The following ZC2HC1A variants were observed in gnomAD, a reference collection of about 807,000 sequenced individuals.
ZC2HC1A encodes the protein zinc finger C2HC domain-containing protein 1A.
In ZC2HC1A, 28 loss-of-function variants were observed where a neutral mutation model predicts 40.7. The observed-to-expected ratio is 0.69, with a 90% CI of 0.51 to 0.94. The LOEUF is 0.94. ZC2HC1A is among the 40% of genes least tolerant of loss of function. The pLI is 0.00. For synonymous variants in ZC2HC1A, 129 were observed against 129.2 expected (o/e 1.00, Z 0.01); for missense variants, 389 against 386.3 (o/e 1.01, Z -0.06).
intron 1 of ZC2HC1A, 38 bp downstream of exon 1, chr8:78,666,202 C>T (rs781544759): frequency 2.6e-6 from 4 of 1,566,196 alleles, no homozygotes; most frequent in African/African-American, 1.3e-5. Flanking sequence ...ACGGCTAGAG[C>T]GGGCCCGAAA....
rs551532602 is a variant in ZC2HC1A at position 78,704,152 on chromosome 8, C to A, written c.704+5639C>A. ...ATCCCAGCACTTTGGGAGACCGAGG[C>A]GAGCGGATCACCTGAGGTCAGGAGT... On this transcript the variant is annotated intron_variant, in intron 7 of 8. Transcript: ENST00000263849. 9.1e-4 allele frequency among the ~76,000 whole-genome samples: 138 copies of A among 152,014 alleles called. 4 individuals carry two copies. In the South Asian group the frequency reaches 0.011, roughly 12 times the overall value.
At chr8:78,675,627 A>T (rs1308172169) in intron 1 of ZC2HC1A, 160 bp from the exon 2 acceptor site, 4 of 614,568 alleles carry the variant, frequency 6.5e-6, no homozygotes, top group Admixed American at 6.2e-5. Context: ...ACTAAGTATT[A>T]TGCTCCTTTT....
At chr8:78,666,238 G>A in intron 1 of ZC2HC1A, 74 bp downstream of exon 1, 1 of 1,548,704 alleles carries the variant, frequency 6.5e-7, no homozygotes, top group Admixed American at 2.0e-5. Flanking sequence ...GACACCAGTA[G>A]CAGGAAGGCG....
rs1294797165 is a variant in ZC2HC1A, at chr8:78,687,748, TTATA to T, written c.352+1146_352+1149del. On this transcript the variant is annotated intron_variant, in intron 4 of 8. Coordinates refer to ENST00000263849, the MANE Select transcript of ZC2HC1A (RefSeq NM_016010.3). The stretch of plus-strand genomic sequence containing the variant: ...ACATTATATATATTTATGTAATACA[TTATA>T]TATATTTACGTAAGACATTATATAT... 2.8e-4 allele frequency among the ~76,000 whole-genome samples: 17 copies of T among 59,712 alleles called. 1 individual carries two copies. The highest frequency in any genetic ancestry group is 8.8e-4 in the African/African-American group (15 of 17,074). 39.2% of individuals were successfully genotyped at this position (59,712 alleles called of 152,430 possible).
At chr8:78,695,751 C>G (rs1401648569) in intron 5 of ZC2HC1A, among the ~76,000 whole-genome samples, 1 of 152,122 alleles carries the variant, frequency 6.6e-6, no homozygotes, top group Non-Finnish European at 1.5e-5. Context: ...CTCCCAAAGT[C>G]TCATAGACAT....
chr8:78,694,747 A>G (rs1172710874), intron 5 of ZC2HC1A, among the ~76,000 whole-genome samples: 2 of 152,180 alleles, frequency 1.3e-5, no homozygotes, highest in Non-Finnish European at 2.9e-5. Flanking sequence ...TTCATTAGTC[A>G]TTAGTCTTTG....
At chr8:78,716,921 G>A (rs1811125114) in intron 8 of ZC2HC1A, among the ~76,000 whole-genome samples, 1 of 152,084 alleles carries the variant, frequency 6.6e-6, no homozygotes, top group Non-Finnish European at 1.5e-5. Context: ...CACCATGTAA[G>A]ACATGCTTGC....
intron 2 of ZC2HC1A, among the ~76,000 whole-genome samples, chr8:78,677,708 A>G (rs921930559): frequency 2.0e-5 from 3 of 152,032 alleles, no homozygotes; most frequent in African/African-American, 7.2e-5. Flanking sequence ...TTAGTGTTAC[A>G]GGGCAGATAA....
At chr8:78,672,496 A>G (rs1286688384) in intron 1 of ZC2HC1A, among the ~76,000 whole-genome samples, 2 of 152,166 alleles carry the variant, frequency 1.3e-5, no homozygotes, top group East Asian at 1.9e-4. Context: ...TTTTTACCCT[A>G]CACTCTGCAG....
chr8:78,705,030 A>G (rs1472482781), intron 7 of ZC2HC1A, among the ~76,000 whole-genome samples: 1 of 151,950 alleles, frequency 6.6e-6, no homozygotes, highest in Admixed American at 6.6e-5. Flanking sequence ...GCTTCCTTTC[A>G]TTGGATTACA....
In ZC2HC1A at chr8:78,706,717, C is replaced by A. The variant is rs374076136; in HGVS notation, c.704+8204C>A. ...TACTCACCCCTTTTCCTGTTATTTT[C>A]AAGTGTAAGTTATATGTGGCTCACA... On this transcript the variant is annotated intron_variant, in intron 7 of 8. Coordinates refer to ENST00000263849, the MANE Select transcript of ZC2HC1A (RefSeq NM_016010.3). Among the ~76,000 whole-genome samples the A allele has an allele frequency of 4.6e-5, 7 of 152,228 alleles. No individual in the cohort carries two copies. In the East Asian group the frequency reaches 7.7e-4, roughly 17 times the overall value.
rs551672206 is a variant in ZC2HC1A at position 78,689,999 on chromosome 8, T to C, written c.504+626T>C. ...GTATAGTGTGAAGTAAGGGGCAGTTTTTCCTTTTGTTTTCTATGTGGATAT... is the reference window on the plus strand; with the variant it reads ...GTATAGTGTGAAGTAAGGGGCAGTTCTTCCTTTTGTTTTCTATGTGGATAT... On this transcript the variant is annotated intron_variant, in intron 5 of 8. Transcript: ENST00000263849. Among the ~76,000 whole-genome samples, 9 of 152,308 alleles carry C rather than the reference T, an allele frequency of 5.9e-5. No individual in the cohort carries two copies. The East Asian group carries it at 1.5e-3, about 26-fold the overall frequency.
intron 7 of ZC2HC1A, among the ~76,000 whole-genome samples, chr8:78,703,295 A>T (rs879607849): frequency 4.3e-4 from 66 of 152,080 alleles, no homozygotes; most frequent in African/African-American, 1.4e-3. Context: ...GGTCCATTTG[A>T]TCCAGTGCTG....
At chr8:78,670,443 T>C (rs1809412100) in intron 1 of ZC2HC1A, among the ~76,000 whole-genome samples, 1 of 152,198 alleles carries the variant, frequency 6.6e-6, no homozygotes, top group Non-Finnish European at 1.5e-5. Context: ...GGATTTCTGA[T>C]AAAATAAATT....
intron 7 of ZC2HC1A, among the ~76,000 whole-genome samples, chr8:78,708,332 T>C (rs766842872): frequency 6.6e-6 from 1 of 152,166 alleles, no homozygotes; most frequent in Non-Finnish European, 1.5e-5. Context: ...CAAAGAGATT[T>C]ATTTTTACAC....
At chr8:78,670,261 T>C (rs4641056) in intron 1 of ZC2HC1A, among the ~76,000 whole-genome samples, 112,876 of 151,962 alleles carry the variant, frequency 0.74, 42,996 homozygotes, top group East Asian at 0.91. Context: ...GCCAACGCAC[T>C]CGGCGGAATG....
At chr8:78,710,723 G>A (rs1367869933) in intron 7 of ZC2HC1A, among the ~76,000 whole-genome samples, 1 of 151,860 alleles carries the variant, frequency 6.6e-6, no homozygotes, top group Non-Finnish European at 1.5e-5. Flanking sequence ...GGGTTTCTTT[G>A]TACTTTAACA....
chr8:78,667,335 A>G (rs937297050), intron 1 of ZC2HC1A, among the ~76,000 whole-genome samples: 1 of 152,048 alleles, frequency 6.6e-6, no homozygotes, highest in Non-Finnish European at 1.5e-5. Flanking sequence ...TTTTTTGCTT[A>G]TGTGTTTTTG....
intron 1 of ZC2HC1A, among the ~76,000 whole-genome samples, chr8:78,669,128 A>G (rs546760828): frequency 2.0e-5 from 3 of 152,180 alleles, no homozygotes; most frequent in Admixed American, 1.3e-4. Context: ...AGTTTACTGT[A>G]TAATTCTTTA....
Sources: gnomAD v4.1 joint callset for allele counts (sites outside exome capture counted in the v4.1 genomes callset) on GRCh38, gnomAD v4.1.1 for gene constraint, MANE v1.5 for transcripts, NCBI Gene and HGNC (gene_info 2026-07-23, HGNC 2026-07-21) for gene names.